The following CTXND2 variants were observed in gnomAD, a reference collection of about 807,000 sequenced individuals.
CTXND2 encodes cortexin domain containing 2.
At chr1:150,906,127 C>T (rs1282240851) in intron 1 of CTXND2, among the ~76,000 whole-genome samples, 1 of 151,282 alleles carries the variant, frequency 6.6e-6, no homozygotes, top group African/African-American at 2.4e-5. Context: ...AGTAAGGCCT[C>T]GTCTCTACAA....
chr1:150,902,255 ACATTAG>A (rs1285752721), intron 1 of CTXND2, among the ~76,000 whole-genome samples: 1 of 151,998 alleles, frequency 6.6e-6, no homozygotes, highest in Non-Finnish European at 1.5e-5. Flanking sequence ...TTTTTAAAAA[ACATTAG>A]CCAGGCGTGG....
At chr1:150,892,727 T>C (rs1290963584) in intron 1 of CTXND2, among the ~76,000 whole-genome samples, 1 of 151,894 alleles carries the variant, frequency 6.6e-6, no homozygotes, top group Non-Finnish European at 1.5e-5. Flanking sequence ...TTTGTAGAGA[T>C]GGGGTTTTAC....
At chr1:150,907,242 A>G (rs1669164085) in intron 1 of CTXND2, among the ~76,000 whole-genome samples, 1 of 152,220 alleles carries the variant, frequency 6.6e-6, no homozygotes, top group Non-Finnish European at 1.5e-5. Flanking sequence ...GGTTTTTAGC[A>G]CATTCACAGA....
In CTXND2 at chr1:150,902,792, A is replaced by C. The variant is rs77272555; in HGVS notation, c.-73-9450A>C. 2.7e-3 allele frequency among the ~76,000 whole-genome samples: 404 copies of C among 152,194 alleles called. 2 individuals carry two copies. Among genetic ancestry groups the C allele is most frequent in the African/African-American group, 9.1e-3 (380 of 41,548 alleles). The stretch of plus-strand genomic sequence containing the variant: ...AGACAAAATGACAAAAAAGCAGACC[A>C]CTATGTCCCATAAACTGCAGGGAAC... On this transcript the variant is annotated intron_variant, in intron 1 of 1. Coordinates refer to ENST00000636087, the Ensembl canonical transcript of CTXND2.
intron 1 of CTXND2, among the ~76,000 whole-genome samples, chr1:150,891,048 A>C (rs1228647835): frequency 6.6e-6 from 1 of 152,152 alleles, no homozygotes; most frequent in Non-Finnish European, 1.5e-5. Context: ...CACCCAAGAG[A>C]AGCAGCATGT....
At chr1:150,895,764 G>A (rs1331255049) in intron 1 of CTXND2, among the ~76,000 whole-genome samples, 1 of 152,212 alleles carries the variant, frequency 6.6e-6, no homozygotes, top group Non-Finnish European at 1.5e-5. Context: ...GCATGACTCA[G>A]CCTTGACCAG....
At chr1:150,892,528 C>CTTTTTTTTTTTTTTTTTTTTTTTT (rs5777740) in intron 1 of CTXND2, among the ~76,000 whole-genome samples, 1 of 123,350 alleles carries the variant, frequency 8.1e-6, no homozygotes, top group Non-Finnish European at 1.7e-5. Context: ...TCTTCTTCTT[C>CTTTTTTTTTTTTTTTTTTTTTTTT]TTTTTTTTTT....
At chr1:150,905,143 C>CTTT (rs587675090) in intron 1 of CTXND2, among the ~76,000 whole-genome samples, 1 of 114,716 alleles carries the variant, frequency 8.7e-6, no homozygotes, top group Non-Finnish European at 1.9e-5. Context: ...TCTGCCAATT[C>CTTT]TTTTTTTTTT....
At chr1:150,905,990 A>G (rs997695554) in intron 1 of CTXND2, among the ~76,000 whole-genome samples, 1 of 146,622 alleles carries the variant, frequency 6.8e-6, no homozygotes, top group African/African-American at 2.5e-5. Flanking sequence ...ACTCCATCTC[A>G]AAAAAAAAAG....
intron 1 of CTXND2, among the ~76,000 whole-genome samples, chr1:150,900,842 C>A (rs968626545): frequency 2.0e-5 from 3 of 151,974 alleles, no homozygotes; most frequent in African/African-American, 7.3e-5. Flanking sequence ...GTTAAAAAAA[C>A]AATTCGAGAC....
chr1:150,901,208 CTT>C (rs1230337246), intron 1 of CTXND2, among the ~76,000 whole-genome samples: 2 of 49,558 alleles, frequency 4.0e-5, no homozygotes, highest in Non-Finnish European at 1.4e-4. Context: ...AAAATGTATT[CTT>C]TGGAAGCTAC....
chr1:150,903,800 C>CAAAA, intron 1 of CTXND2: 5 of 332,802 alleles, frequency 1.5e-5, no homozygotes, highest in African/African-American at 2.5e-5. Flanking sequence ...AACTCCGTCT[C>CAAAA]AAAAAAAAAA....
intron 1 of CTXND2, among the ~76,000 whole-genome samples, chr1:150,891,338 C>T (rs1489056324): frequency 4.6e-5 from 7 of 152,030 alleles, no homozygotes; most frequent in East Asian, 1.9e-4. Flanking sequence ...CTCAGCCTCC[C>T]GAGTAGCTAG....
intron 1 of CTXND2, 30 bp from the exon 2 acceptor site, chr1:150,912,212 G>A (rs771041959): frequency 2.0e-5 from 8 of 397,154 alleles, no homozygotes; most frequent in South Asian, 1.4e-4. Context: ...CACACAAACC[G>A]ATAAGCCTGT....
intron 1 of CTXND2, among the ~76,000 whole-genome samples, chr1:150,899,390 G>A (rs976245960): frequency 1.3e-5 from 2 of 150,832 alleles, no homozygotes; most frequent in African/African-American, 4.9e-5. Context: ...AGGCATAATT[G>A]CACCACTACA....
intron 1 of CTXND2, among the ~76,000 whole-genome samples, chr1:150,908,844 A>C (rs950330522): frequency 1.3e-5 from 2 of 151,428 alleles, no homozygotes; most frequent in Admixed American, 1.3e-4. Context: ...GGCTGGTCTC[A>C]AACTCCTGAC....
intron 1 of CTXND2, among the ~76,000 whole-genome samples, chr1:150,900,895 A>G (rs587700761): frequency 6.6e-6 from 1 of 152,270 alleles, no homozygotes; most frequent in Admixed American, 6.5e-5. Flanking sequence ...TGGGAGGATC[A>G]CTTAAGTCCA....
intron 1 of CTXND2, chr1:150,904,214 T>C (rs1571603895): frequency 1.6e-6 from 1 of 612,932 alleles, no homozygotes; most frequent in South Asian, 1.4e-5. Flanking sequence ...TAATGAGTAA[T>C]AATTGGCCAC....
chr1:150,907,945 G>C (rs1438873732), intron 1 of CTXND2, among the ~76,000 whole-genome samples: 2 of 151,630 alleles, frequency 1.3e-5, no homozygotes, highest in Non-Finnish European at 2.9e-5. Context: ...TCCTAACCTT[G>C]TGATCCACCC....
Sources: gnomAD v4.1 joint callset for allele counts (sites outside exome capture counted in the v4.1 genomes callset) on GRCh38, gnomAD v4.1.1 for gene constraint, MANE v1.5 for transcripts, NCBI Gene and HGNC (gene_info 2026-07-23, HGNC 2026-07-21) for gene names.